The following TBC1D14 variants were observed in gnomAD, a reference collection of about 807,000 sequenced individuals.
The protein encoded by TBC1D14 is TBC1 domain family, member 14.
TBC1D14 carries 26 observed loss-of-function variants against 79.0 expected under a neutral mutation model. The ratio of observed to expected loss-of-function variants is 0.33; its 90% CI spans 0.24 to 0.46. The LOEUF is 0.46. Among genes scored for constraint, TBC1D14 ranks in the 20% least tolerant of loss-of-function variants. The pLI is 1.00. For synonymous variants in TBC1D14, 394 were observed against 349.9 expected (o/e 1.13, Z -1.40); for missense variants, 769 against 887.6 (o/e 0.87, Z 1.70).
chr4:6,969,359 A>C (rs955910745), intron 3 of TBC1D14, among the ~76,000 whole-genome samples: 5 of 152,020 alleles, frequency 3.3e-5, no homozygotes, highest in Non-Finnish European at 4.4e-5. Context: ...ATGGCACTTA[A>C]TATCACTTAC....
chr4:6,945,928 T>G (rs150795958), intron 2 of TBC1D14, among the ~76,000 whole-genome samples: 5 of 152,128 alleles, frequency 3.3e-5, no homozygotes, highest in Non-Finnish European at 7.4e-5. Context: ...CCCTCAGAGA[T>G]TGATTTTCAT....
intron 1 of TBC1D14, among the ~76,000 whole-genome samples, chr4:6,914,970 C>T (rs978919852): frequency 5.9e-5 from 9 of 152,108 alleles, no homozygotes; most frequent in South Asian, 2.1e-4. Context: ...ACCCGGGAGG[C>T]GGAGGTTGTG....
chr4:6,990,998 G>C (rs1281174165), intron 3 of TBC1D14, among the ~76,000 whole-genome samples: 1 of 152,178 alleles, frequency 6.6e-6, no homozygotes, highest in Non-Finnish European at 1.5e-5. Context: ...GCTTACTGTT[G>C]TCACCTCCAG....
At chr4:6,917,042 C>G (rs1386706501) in intron 1 of TBC1D14, among the ~76,000 whole-genome samples, 3 of 152,246 alleles carry the variant, frequency 2.0e-5, no homozygotes, top group Admixed American at 6.5e-5. Flanking sequence ...TAGCCCCTAA[C>G]CAGTGTGTAG....
rs71173472 is a variant in TBC1D14 at position 6,945,749 on chromosome 4, C to CAAAAAAA, written c.723-21527_723-21521dup. The stretch of plus-strand genomic sequence containing the variant: ...GGGCAACTAGAGCAAAACTGCGTCT[C>CAAAAAAA]AAAAAAAAAAAAAAAAAAAAAAAAA... On this transcript the variant is annotated intron_variant, in intron 2 of 13. Coordinates refer to ENST00000409757, the MANE Select transcript of TBC1D14 (RefSeq NM_020773.3). Among the ~76,000 whole-genome samples the CAAAAAAA allele has an allele frequency of 1.9e-3, 120 of 64,130 alleles. 1 individual carries two copies. Among genetic ancestry groups the CAAAAAAA allele is most frequent in the Admixed American group, 3.5e-3 (14 of 3,978 alleles). 42.1% of individuals were successfully genotyped at this position (64,130 alleles called of 152,430 possible). A position where few individuals can be genotyped will look rare whatever the true frequency, so the allele number is the denominator to read the frequency against.
chr4:6,923,873 C>T lies in TBC1D14; in HGVS notation c.484C>T (p.Leu162Phe), dbSNP rs1326384526. The T allele has an allele frequency of 6.2e-7, 1 of 1,614,052 alleles. No homozygotes were observed. The highest frequency in any genetic ancestry group is 8.5e-7 in the Non-Finnish European group (1 of 1,180,056). Reference protein sequence around the residue: ...DDVSVCSVSSLGTELSTTLSV... With the variant: ...DDVSVCSVSSFGTELSTTLSV... The stretch of plus-strand genomic sequence containing the variant: ...TGTCTCCGTCTGCAGCGTGTCCAGT[C>T]TTGGGACAGAGCTGTCCACCACGCT... The change falls in exon 2 of 14, where the codon CTT becomes TTT. Residue 162 changes from leucine to phenylalanine, a missense_variant. Transcript: ENST00000409757.
intron 7 of TBC1D14, 111 bp from the exon 8 acceptor site, chr4:7,004,733 A>C (rs1174039436): frequency 2.2e-6 from 2 of 914,894 alleles, no homozygotes; most frequent in African/African-American, 3.3e-5. Context: ...GTATGCATTA[A>C]GCCTATTATA....
intron 13 of TBC1D14, among the ~76,000 whole-genome samples, chr4:7,028,797 G>A (rs1037882122): frequency 2.6e-5 from 4 of 151,858 alleles, no homozygotes; most frequent in African/African-American, 7.3e-5. Flanking sequence ...CTCAAATCCT[G>A]TGCTTAAGGT....
In TBC1D14 at chr4:6,999,104, A is replaced by G. The variant is rs1719389785; in HGVS notation, c.1065A>G (p.Arg355=). The G allele has an allele frequency of 2.5e-6, 4 of 1,614,098 alleles. No individual in the cohort carries two copies. In the Admixed American group the frequency reaches 6.7e-5, roughly 27 times the overall value. The change falls in exon 6 of 14, where the codon CGA becomes CGG. Residue 355 remains arginine, a synonymous_variant. Coordinates refer to ENST00000409757, the MANE Select transcript of TBC1D14 (RefSeq NM_020773.3). ...TTCTAGAGCTGAAAGAAGCCCAGCG[A>G]AGGAAGAAGCAGCTGGAAGAAAGAT... ...AKKRELKEAQ[R]RKKQLEERCR... is the part of the protein sequence containing the mutation.
chr4:6,942,150 C>T (rs573903355), intron 2 of TBC1D14, among the ~76,000 whole-genome samples: 6 of 152,314 alleles, frequency 3.9e-5, no homozygotes, highest in South Asian at 2.1e-4. Flanking sequence ...GTAATTAAAA[C>T]GGTTTCCTCC....
In TBC1D14 at chr4:7,032,906, C is replaced by T. The variant is rs1010440065; in HGVS notation, c.*2514C>T. ...GCATTGGGATCCCATTTAGAAACGG[C>T]ATTCACTTCAGAAGGTACTTTTTAA... On this transcript the variant is annotated 3_prime_UTR_variant, in exon 14 of 14. Coordinates refer to ENST00000409757, the MANE Select transcript of TBC1D14 (RefSeq NM_020773.3). 6.6e-6 allele frequency: 1 copy of T among 152,440 alleles called. No individual in the cohort carries two copies. Among genetic ancestry groups the T allele is most frequent in the African/African-American group, 2.4e-5 (1 of 41,444 alleles). 9.4% of individuals were successfully genotyped at this position (152,440 alleles called of 1,614,324 possible).
intron 2 of TBC1D14, among the ~76,000 whole-genome samples, chr4:6,934,637 G>A (rs1712129570): frequency 6.6e-6 from 1 of 150,720 alleles, no homozygotes; most frequent in African/African-American, 2.4e-5. Context: ...CAGCATGGGC[G>A]ACAGAGCGAG....
chr4:6,930,124 C>A (rs987553805), intron 2 of TBC1D14, among the ~76,000 whole-genome samples: 12 of 152,154 alleles, frequency 7.9e-5, no homozygotes, highest in Admixed American at 7.2e-4. Context: ...CTGTGATGCT[C>A]TGCAAAAGGG....
chr4:6,919,877 C>T (rs1723709866), intron 1 of TBC1D14, among the ~76,000 whole-genome samples: 1 of 152,172 alleles, frequency 6.6e-6, no homozygotes, highest in Non-Finnish European at 1.5e-5. Flanking sequence ...CCTTGGCCTC[C>T]CAAAGTACTG....
intron 11 of TBC1D14, among the ~76,000 whole-genome samples, chr4:7,014,094 AGT>A (rs1020024100): frequency 2.0e-5 from 3 of 152,212 alleles, no homozygotes; most frequent in African/African-American, 7.2e-5. Context: ...TTTAGGAAAG[AGT>A]GAGTCTGTAC....
At chr4:6,977,063 TCCTCTCCCTCTCCCTCTCCCTCTCCCC>T (rs1716785667) in intron 3 of TBC1D14, among the ~76,000 whole-genome samples, 1 of 14,030 alleles carries the variant, frequency 7.1e-5, no homozygotes, top group African/African-American at 1.3e-4. Flanking sequence ...TCCCTCTCCC[TCCTCTCCCTCTCCCTCTCCCTCTCCCC>T]ACTGTCTCCC....
At chr4:6,910,516 T>C (rs1048102579) in intron 1 of TBC1D14, 2 of 152,352 alleles carry the variant, frequency 1.3e-5, no homozygotes, top group South Asian at 2.1e-4. Context: ...GGAATCTCTC[T>C]GCCTCCGCCT....
At chr4:6,972,845 AC>A (rs1458263607) in intron 3 of TBC1D14, among the ~76,000 whole-genome samples, 1 of 152,144 alleles carries the variant, frequency 6.6e-6, no homozygotes, top group East Asian at 1.9e-4. Context: ...CCCAAAAATG[AC>A]CATTTAAAAA....
intron 3 of TBC1D14, among the ~76,000 whole-genome samples, chr4:6,985,116 T>G (rs958257518): frequency 1.3e-5 from 2 of 152,232 alleles, no homozygotes; most frequent in African/African-American, 4.8e-5. Context: ...TTTAAAAAAT[T>G]GAACCATTTG....
Sources: allele counts gnomAD v4.1 joint callset (sites outside exome capture counted in the v4.1 genomes callset), GRCh38; gene constraint gnomAD v4.1.1; transcripts MANE v1.5; gene names NCBI Gene and HGNC (gene_info 2026-07-23, HGNC 2026-07-21).